PTPRO: variants seen among roughly 807,000 people sequenced by gnomAD.
PTPRO encodes protein tyrosine phosphatase receptor type O.
In PTPRO, 62 loss-of-function variants were observed where a neutral mutation model predicts 145.2. The observed-to-expected ratio is 0.43, with a 90% CI of 0.35 to 0.53. The LOEUF is 0.53. PTPRO is among the 20% of genes least tolerant of loss of function. The pLI, the probability that PTPRO is intolerant of heterozygous loss-of-function variation, is 0.01. For missense variants in PTPRO, 1,345 were observed against 1,482.7 expected (o/e 0.91, Z 1.53); for synonymous variants, 565 against 514.7 (o/e 1.10, Z -1.32).
intron 1 of PTPRO, among the ~76,000 whole-genome samples, chr12:15,455,176 T>C (rs1453528055): frequency 6.6e-6 from 1 of 152,164 alleles, no homozygotes; most frequent in Non-Finnish European, 1.5e-5. Context: ...TAGCCTGGAA[T>C]GCTCTCCTCC....
At chr12:15,348,729 C>T (rs534571228) in intron 1 of PTPRO, 2 of 151,432 alleles carry the variant, frequency 1.3e-5, no homozygotes, top group African/African-American at 2.4e-5. Flanking sequence ...CGGAGCCTGC[C>T]GTGAGCCGAG....
chr12:15,327,807 A>C (rs1591704385), intron 1 of PTPRO, among the ~76,000 whole-genome samples: 1 of 152,112 alleles, frequency 6.6e-6, no homozygotes, highest in Non-Finnish European at 1.5e-5. Context: ...TGTTGACTCC[A>C]GCAGGTCCCA....
intron 1 of PTPRO, among the ~76,000 whole-genome samples, chr12:15,372,205 A>G (rs751181147): frequency 2.1e-4 from 32 of 152,170 alleles, no homozygotes; most frequent in Non-Finnish European, 3.8e-4. Flanking sequence ...TGAATCATTT[A>G]TATACCCTGA....
chr12:15,485,208 T>C (rs1358883424), intron 2 of PTPRO, among the ~76,000 whole-genome samples: 1 of 152,038 alleles, frequency 6.6e-6, no homozygotes, highest in African/African-American at 2.4e-5. Context: ...AACACATCTC[T>C]CAAAAATTAA....
chr12:15,455,512 G>A (rs974103687), intron 1 of PTPRO, among the ~76,000 whole-genome samples: 1 of 152,070 alleles, frequency 6.6e-6, no homozygotes, highest in Admixed American at 6.6e-5. Flanking sequence ...CCAATTGTTT[G>A]TGTCTTTTTC....
Position 15,501,612 on chromosome 12 carries a change from T to C in PTPRO, c.662-8T>C, listed in dbSNP as rs745699377. ...AATACTTGAAAATGAAAATTCTCTC[T>C]CTTACAGCCCCTTATCCACCTCAAA... On this transcript the variant is annotated splice_region_variant and splice_polypyrimidine_tract_variant and intron_variant, in intron 4 of 26. Coordinates refer to ENST00000281171, the MANE Select transcript of PTPRO (RefSeq NM_030667.3). 1.2e-6 allele frequency: 2 copies of C among 1,608,652 alleles called. No individual in the cohort carries two copies. Among genetic ancestry groups the C allele is most frequent in the Admixed American group, 1.7e-5 (1 of 59,984 alleles).
chr12:15,434,145 C>A (rs1015721300), intron 1 of PTPRO, among the ~76,000 whole-genome samples: 1 of 152,146 alleles, frequency 6.6e-6, no homozygotes, highest in African/African-American at 2.4e-5. Context: ...AGAGTTATAT[C>A]CCATATTTCT....
intron 19 of PTPRO, among the ~76,000 whole-genome samples, chr12:15,571,256 C>A (rs1555092336): frequency 6.6e-6 from 1 of 151,604 alleles, no homozygotes; most frequent in Non-Finnish European, 1.5e-5. Context: ...TTCAGTGAAA[C>A]AACAAACAAC....
chr12:15,500,074 G>GATGA (rs1942187120), intron 4 of PTPRO, among the ~76,000 whole-genome samples: 1 of 26,628 alleles, frequency 3.8e-5, no homozygotes, highest in African/African-American at 1.1e-4. Context: ...TGGATGGATA[G>GATGA]ATGGATGGGT....
At chr12:15,349,168 G>T (rs1937707046) in intron 1 of PTPRO, among the ~76,000 whole-genome samples, 1 of 152,146 alleles carries the variant, frequency 6.6e-6, no homozygotes, top group Non-Finnish European at 1.5e-5. Flanking sequence ...AATTAAGGAA[G>T]GTGTTAAATC....
chr12:15,523,389 T>G (rs968062876), intron 10 of PTPRO, among the ~76,000 whole-genome samples: 1 of 152,218 alleles, frequency 6.6e-6, no homozygotes, highest in African/African-American at 2.4e-5. Context: ...GCAGTTACTT[T>G]AAAAAGGTAA....
At chr12:15,523,090 T>G (rs752660321) in intron 10 of PTPRO, among the ~76,000 whole-genome samples, 1 of 152,250 alleles carries the variant, frequency 6.6e-6, no homozygotes, top group Non-Finnish European at 1.5e-5. Context: ...AAGATTTTAT[T>G]GCTAAGCATA....
chr12:15,531,308 A>G (rs1388685525), intron 12 of PTPRO, among the ~76,000 whole-genome samples: 1 of 152,168 alleles, frequency 6.6e-6, no homozygotes, highest in Non-Finnish European at 1.5e-5. Flanking sequence ...ATCCTGCTCA[A>G]ACTTTTCAAA....
intron 1 of PTPRO, among the ~76,000 whole-genome samples, chr12:15,482,462 A>G (rs1323341487): frequency 6.6e-6 from 1 of 152,226 alleles, no homozygotes; most frequent in Non-Finnish European, 1.5e-5. Context: ...GCTCTATAGT[A>G]CTATAGGGGG....
intron 20 of PTPRO, 46 bp from the exon 21 acceptor site, chr12:15,579,993 C>T (rs1331529873): frequency 2.0e-6 from 3 of 1,483,678 alleles, no homozygotes; most frequent in East Asian, 2.3e-5. Flanking sequence ...AATAATTTTT[C>T]CTTCCATCTT....
chr12:15,327,826 C>T (rs182224006), intron 1 of PTPRO, among the ~76,000 whole-genome samples: 68 of 152,172 alleles, frequency 4.5e-4, no homozygotes, highest in African/African-American at 1.5e-3. Flanking sequence ...CATAGGGTTT[C>T]TATCAGCCAA....
chr12:15,591,387 A>G (rs1006344182), intron 25 of PTPRO, among the ~76,000 whole-genome samples: 7 of 151,812 alleles, frequency 4.6e-5, no homozygotes, highest in Non-Finnish European at 8.8e-5. Context: ...AACAAAAAAA[A>G]CTTAGTAGAT....
chr12:15,389,988 A>G (rs1939144429), intron 1 of PTPRO, among the ~76,000 whole-genome samples: 2 of 152,246 alleles, frequency 1.3e-5, no homozygotes, highest in South Asian at 2.1e-4. Context: ...TGAGAATATA[A>G]TTATAGAGAA....
chr12:15,407,784 ACTATTT>A (rs1404147956), intron 1 of PTPRO, among the ~76,000 whole-genome samples: 1 of 152,212 alleles, frequency 6.6e-6, no homozygotes, highest in Non-Finnish European at 1.5e-5. Flanking sequence ...CATACAGATG[ACTATTT>A]CTTCAAATTT....
Sources: allele counts gnomAD v4.1 joint callset (sites outside exome capture counted in the v4.1 genomes callset), GRCh38; gene constraint gnomAD v4.1.1; transcripts MANE v1.5; gene names NCBI Gene and HGNC (gene_info 2026-07-23, HGNC 2026-07-21).